Variants in HES3 observed in about 807,000 individuals in gnomAD.
HES3 encodes transcription factor HES-3.
In HES3, 6 loss-of-function variants were observed where a neutral mutation model predicts 8.0. That is an observed-to-expected ratio of 0.75 (90% CI 0.41 to 1.49). HES3 has a LOEUF of 1.49. Among genes scored for constraint, HES3 ranks in the 40% most tolerant of loss-of-function variants. HES3 has a pLI of 0.01. For synonymous variants in HES3, 121 were observed against 119.4 expected (o/e 1.01, Z -0.09); for missense variants, 266 against 260.9 (o/e 1.02, Z -0.13).
chr1:6,244,477 G>GGGGGGGGGGGC, intron 2 of HES3, 31 bp downstream of exon 2: 3 of 1,094,462 alleles, frequency 2.7e-6, no homozygotes, highest in South Asian at 1.2e-5. Flanking sequence ...GGGTGGGTGG[G>GGGGGGGGGGGC]TGATACGATC....
chr1:6,244,811 A>G (rs1040621306), intron 3 of HES3, among the ~76,000 whole-genome samples, 182 bp downstream of exon 3: 1 of 152,054 alleles, frequency 6.6e-6, no homozygotes, highest in African/African-American at 2.4e-5. Flanking sequence ...GCAGTTGGTG[A>G]GGAGGGGGCC....
intron 3 of HES3, 99 bp from the exon 4 acceptor site, chr1:6,245,011 T>TCCCCCCCCCCCCCCCCCCCCCCC: frequency 9.7e-6 from 1 of 103,062 alleles, no homozygotes. Flanking sequence ...CCTCCCTTCC[T>TCCCCCCCCCCCCCCCCCCCCCCC]CCCCTCCCCT....
At position 6,244,342 on chromosome 1, in the gene HES3, C is replaced by T; in HGVS notation, c.-15-9C>T. 6.2e-7 allele frequency: 1 copy of T among 1,611,036 alleles called. No homozygotes were observed. Among genetic ancestry groups the T allele is most frequent in the East Asian group, 2.2e-5 (1 of 44,854 alleles). On this transcript the variant is annotated splice_polypyrimidine_tract_variant and intron_variant, in intron 1 of 3. Transcript: ENST00000377898. ...GCAGTCCTGCACTCTAAAGGCTGTT[C>T]ATCTGCAGATTTCCAAGCCGCTGAT...
intron 2 of HES3, 24 bp downstream of exon 2, chr1:6,244,470 T>TGG: frequency 2.6e-6 from 1 of 380,108 alleles, no homozygotes; most frequent in East Asian, 6.6e-5. Context: ...GGGGTGGGGG[T>TGG]GGGTGGGTGA....
Position 6,245,355 on chromosome 1 carries a change from C to T in HES3, c.409C>T (p.Pro137Ser). Residue 137 changes from proline to serine, a missense_variant, in exon 4 of 4, where the codon CCA becomes TCA. Coordinates refer to ENST00000377898, the MANE Select transcript of HES3 (RefSeq NM_001024598.4). Reference sequence around the variant, plus strand: ...TCCGGCCGCCGGCGGCCCGCGGTCCCCACCACCCCTGCTCCTCCTCCCCGA... The same window carrying T: ...TCCGGCCGCCGGCGGCCCGCGGTCCTCACCACCCCTGCTCCTCCTCCCCGA... ...PAPAAGGPRSPPPLLLLPESL... is the reference protein window; with the variant it reads ...PAPAAGGPRSSPPLLLLPESL... 6.6e-7 allele frequency: 1 copy of T among 1,503,848 alleles called. No individual in the cohort carries two copies. Among genetic ancestry groups the T allele is most frequent in the Non-Finnish European group, 8.8e-7 (1 of 1,134,134 alleles). 93.2% of individuals were successfully genotyped at this position (1,503,848 alleles called of 1,614,324 possible). A position where few individuals can be genotyped will look rare whatever the true frequency, so the allele number is the denominator to read the frequency against.
chr1:6,244,535 C>T lies in HES3; in HGVS notation c.82-13C>T, dbSNP rs745733998. 6.2e-7 allele frequency: 1 copy of T among 1,614,052 alleles called. No homozygotes were observed. Among genetic ancestry groups the T allele is most frequent in the Non-Finnish European group, 8.5e-7 (1 of 1,179,964 alleles). ...GGGAGGCCGGTCTAATAGACCTTTC[C>T]ATGGTCGGGTAGATCCGGAAGCGCA... is the stretch of plus-strand genomic sequence containing the variant. On this transcript the variant is annotated splice_polypyrimidine_tract_variant and intron_variant, in intron 2 of 3. Coordinates refer to ENST00000377898, the MANE Select transcript of HES3 (RefSeq NM_001024598.4).
At chr1:6,244,942 T>G (rs927866399) in intron 3 of HES3, among the ~76,000 whole-genome samples, 168 bp from the exon 4 acceptor site, 4 of 151,180 alleles carry the variant, frequency 2.6e-5, no homozygotes, top group Non-Finnish European at 5.9e-5. Context: ...CGCCCTCCTC[T>G]TCCCTTCCTC....
rs533347035 is a variant in HES3, at chr1:6,245,342, C to T, written c.396C>T (p.Gly132=). The T allele has an allele frequency of 1.3e-6, 2 of 1,500,740 alleles. No homozygotes were observed. The highest frequency in any genetic ancestry group is 2.1e-5 in the Admixed American group (1 of 46,576). The allele number at this position is 1,500,740 out of a possible 1,614,324, so 93.0% of individuals were successfully genotyped here. A position where few individuals can be genotyped will look rare whatever the true frequency, so the allele number is the denominator to read the frequency against. The change falls in exon 4 of 4, where the codon GGC becomes GGT. Residue 132 remains glycine (G), a synonymous_variant. Transcript: ENST00000377898. ...TCTGGGCTCCTGCTCCGGCCGCCGG[C>T]GGCCCGCGGTCCCCACCACCCCTGC... is the stretch of plus-strand genomic sequence containing the variant. ...PAVWAPAPAA[G]GPRSPPPLLL... is the part of the protein sequence containing the mutation.
chr1:6,244,313 G>A (rs1638257351), intron 1 of HES3, 38 bp from the exon 2 acceptor site: 2 of 1,528,936 alleles, frequency 1.3e-6, no homozygotes, highest in Non-Finnish European at 1.8e-6. Flanking sequence ...AGGGCAGGAG[G>A]GTGGCAGTCC....
intron 3 of HES3, among the ~76,000 whole-genome samples, 177 bp from the exon 4 acceptor site, chr1:6,244,933 G>C (rs1638268692): frequency 3.3e-5 from 5 of 151,530 alleles, no homozygotes; most frequent in Admixed American, 3.3e-4. Context: ...TCTGACCTCC[G>C]CCCTCCTCTT....
rs1285699911 is a variant in HES3 at position 6,245,238 on chromosome 1, A to G, written c.292A>G (p.Ser98Gly). The part of the protein sequence containing the change: ...SGLRCPLVPE[S>G]AAGSTMDSAG... The stretch of plus-strand genomic sequence containing the variant: ...CCTGCGCTGCCCCCTGGTGCCCGAG[A>G]GCGCCGCCGGCAGCACCATGGACAG... Residue 98 changes from serine (S) to glycine (G), a missense_variant, in exon 4 of 4, where the codon AGC becomes GGC. Physicochemically the swap from Ser to Gly is moderately conservative, Grantham distance 56. Coordinates refer to ENST00000377898, the MANE Select transcript of HES3 (RefSeq NM_001024598.4). 1.3e-6 allele frequency: 2 copies of G among 1,517,846 alleles called. No homozygotes were observed. Among genetic ancestry groups the G allele is most frequent in the Admixed American group, 4.0e-5 (2 of 49,438 alleles). 94.0% of individuals were successfully genotyped at this position (1,517,846 alleles called of 1,614,324 possible). A position where few individuals can be genotyped will look rare whatever the true frequency, so the allele number is the denominator to read the frequency against.
chr1:6,245,230 T>G lies in HES3; in HGVS notation c.284T>G (p.Val95Gly). The G allele has an allele frequency of 6.6e-7, 1 of 1,522,240 alleles. No homozygotes were observed. The highest frequency in any genetic ancestry group is 8.8e-7 in the Non-Finnish European group (1 of 1,140,892). The allele number at this position is 1,522,240 out of a possible 1,614,324, so 94.3% of individuals were successfully genotyped here. A position where few individuals can be genotyped will look rare whatever the true frequency, so the allele number is the denominator to read the frequency against. Residue 95 changes from valine (V) to glycine (G), a missense_variant, in exon 4 of 4, where the codon GTG becomes GGG. Val to Gly is a moderately radical substitution (Grantham distance 109, BLOSUM62 -3). Coordinates refer to ENST00000377898, the MANE Select transcript of HES3 (RefSeq NM_001024598.4). ...GGCAGCGGCCTGCGCTGCCCCCTGGTGCCCGAGAGCGCCGCCGGCAGCACC... is the reference window on the plus strand; with the variant it reads ...GGCAGCGGCCTGCGCTGCCCCCTGGGGCCCGAGAGCGCCGCCGGCAGCACC... Reference protein sequence around the residue: ...EVGSGLRCPLVPESAAGSTMD... With the variant: ...EVGSGLRCPLGPESAAGSTMD...
Position 6,245,169 on chromosome 1 carries a change from G to A in HES3, c.223G>A (p.Gly75Ser). ...GTCGGGCTTCCGCAGCTGCCTGCCC[G>A]GCGTGAGCCAGCTCCTTCGGCGCGG... ...QPSGFRSCLP[G>S]VSQLLRRGDE... Residue 75 changes from glycine to serine, a missense_variant, in exon 4 of 4, where the codon GGC becomes AGC. Gly to Ser is a moderately conservative substitution (Grantham distance 56). Transcript: ENST00000377898. The A allele has an allele frequency of 1.3e-6, 2 of 1,529,694 alleles. No individual in the cohort carries two copies. Among genetic ancestry groups the A allele is most frequent in the Non-Finnish European group, 1.7e-6 (2 of 1,145,334 alleles). The allele number at this position is 1,529,694 out of a possible 1,614,324, so 94.8% of individuals were successfully genotyped here. A position where few individuals can be genotyped will look rare whatever the true frequency, so the allele number is the denominator to read the frequency against.
intron 2 of HES3, 35 bp downstream of exon 2, chr1:6,244,481 T>C: frequency 6.2e-7 from 1 of 1,603,012 alleles, no homozygotes; most frequent in South Asian, 1.1e-5. Context: ...GGGTGGGTGA[T>C]ACGATCCCAA....
At position 6,244,519 on chromosome 1, in the gene HES3, G is replaced by A. The variant is rs552482335; in HGVS notation, c.82-29G>A. 11 of 1,613,892 alleles carry A rather than the reference G, an allele frequency of 6.8e-6. No individual in the cohort carries two copies. The East Asian group carries it at 1.1e-4, about 16-fold the overall frequency. On this transcript the variant is annotated intron_variant, in intron 2 of 3. Transcript: ENST00000377898. The stretch of plus-strand genomic sequence containing the variant: ...TCCCTCTCTCCACCTCGGGAGGCCG[G>A]TCTAATAGACCTTTCCATGGTCGGG...
chr1:6,245,132 AGCC>A lies in HES3; in HGVS notation c.188_190del (p.Ala63del). ...CAGGGCTCTGGCCTGTGCCCAGGGG[AGCC>A]GAGCAACCGTCGGGCTTCCGCAGCT... is the stretch of plus-strand genomic sequence containing the variant. On this transcript the variant is annotated inframe_deletion, in exon 4 of 4. Transcript: ENST00000377898. 1 of 1,523,616 alleles carries A rather than the reference AGCC, an allele frequency of 6.6e-7. No individual in the cohort carries two copies. The highest frequency in any genetic ancestry group is 8.7e-7 in the Non-Finnish European group (1 of 1,143,556). The allele number at this position is 1,523,616 out of a possible 1,614,324, so 94.4% of individuals were successfully genotyped here. A position where few individuals can be genotyped will look rare whatever the true frequency, so the allele number is the denominator to read the frequency against.
intron 3 of HES3, 102 bp from the exon 4 acceptor site, chr1:6,245,008 T>TCCC: frequency 4.4e-6 from 1 of 225,136 alleles, no homozygotes; most frequent in South Asian, 4.1e-5. Context: ...CTCCCTCCCT[T>TCCC]CCTCCCCTCC....
Position 6,244,212 on chromosome 1 carries a change from C to T in HES3, c.-45C>T, listed in dbSNP as rs754324858. ...CAACATGGGCACGGAGCCTGCTGCCCGGGGCAGCCTCCCCGGCAACTTCCG... is the reference window on the plus strand; with the variant it reads ...CAACATGGGCACGGAGCCTGCTGCCTGGGGCAGCCTCCCCGGCAACTTCCG... On this transcript the variant is annotated 5_prime_UTR_variant, in exon 1 of 4. Transcript: ENST00000377898. 21 of 672,560 alleles carry T rather than the reference C, an allele frequency of 3.1e-5. No homozygotes were observed. Among genetic ancestry groups the T allele is most frequent in the Non-Finnish European group, 4.0e-5 (15 of 379,194 alleles). The allele number at this position is 672,560 out of a possible 1,614,324, so 41.7% of individuals were successfully genotyped here.
chr1:6,244,490 A>T, intron 2 of HES3, 44 bp downstream of exon 2: 2 of 1,612,390 alleles, frequency 1.2e-6, no homozygotes, highest in South Asian at 1.1e-5. Flanking sequence ...ATACGATCCC[A>T]ACCTCCCTCT....
Sources: gnomAD v4.1 joint callset for allele counts (sites outside exome capture counted in the v4.1 genomes callset) on GRCh38, gnomAD v4.1.1 for gene constraint, MANE v1.5 for transcripts, NCBI Gene and HGNC (gene_info 2026-07-23, HGNC 2026-07-21) for gene names.